Variants in FAM114A1 observed in about 807,000 individuals in gnomAD.
FAM114A1 encodes protein NOXP20.
A neutral mutation model predicts 64.3 loss-of-function variants in FAM114A1; 62 were observed. That is an observed-to-expected ratio of 0.96 (90% CI 0.79 to 1.19). The LOEUF is 1.19. Among genes scored for constraint, FAM114A1 ranks in the 50% most tolerant of loss-of-function variants. The pLI, the probability that FAM114A1 is intolerant of heterozygous loss-of-function variation, is 0.00. For synonymous variants in FAM114A1, 254 were observed against 251.1 expected (o/e 1.01, Z -0.11); for missense variants, 645 against 676.3 (o/e 0.95, Z 0.51).
chr4:38,931,015 T>G (rs564534006), intron 10 of FAM114A1, among the ~76,000 whole-genome samples: 2 of 152,294 alleles, frequency 1.3e-5, no homozygotes, highest in East Asian at 3.9e-4. Context: ...CATGAAGAGC[T>G]TCCTGAAATA....
chr4:38,922,663 C>CCA (rs1719713835), intron 8 of FAM114A1, 107 bp from the exon 9 acceptor site: 1 of 1,421,856 alleles, frequency 7.0e-7, no homozygotes, highest in Non-Finnish European at 9.4e-7. Flanking sequence ...GCGATACCTC[C>CCA]CACACCATGA....
rs1328135023 is a variant in FAM114A1, at chr4:38,929,799, C to T, written c.1161+466C>T. 2.6e-5 allele frequency among the ~76,000 whole-genome samples: 4 copies of T among 151,910 alleles called. No homozygotes were observed. In the East Asian group the frequency reaches 5.8e-4, roughly 22 times the overall value. Reference sequence around the variant, plus strand: ...CTCAAATTTTAAAAAAAGGAAAAAACGAAAAGATTTGAGGAGGCAACATAA... The same window carrying T: ...CTCAAATTTTAAAAAAAGGAAAAAATGAAAAGATTTGAGGAGGCAACATAA... On this transcript the variant is annotated intron_variant, in intron 10 of 14. Transcript: ENST00000358869.
At chr4:38,872,288 A>C (rs1014396268) in intron 2 of FAM114A1, among the ~76,000 whole-genome samples, 6 of 152,340 alleles carry the variant, frequency 3.9e-5, no homozygotes, top group Middle Eastern at 3.4e-3. Flanking sequence ...AAAACTAAGT[A>C]ACATGCACGT....
At chr4:38,880,522 C>T (rs558560455) in intron 3 of FAM114A1, among the ~76,000 whole-genome samples, 1 of 152,206 alleles carries the variant, frequency 6.6e-6, no homozygotes, top group South Asian at 2.1e-4. Flanking sequence ...AAAAGTGGGA[C>T]ATTAATAAGC....
At chr4:38,929,086 G>C in intron 9 of FAM114A1, 156 bp from the exon 10 acceptor site, 1 of 625,082 alleles carries the variant, frequency 1.6e-6, no homozygotes, top group African/African-American at 1.8e-5. Context: ...CCATGCTCAC[G>C]AATGGAAGAC....
At chr4:38,921,101 C>T (rs931669775) in intron 8 of FAM114A1, among the ~76,000 whole-genome samples, 1 of 152,194 alleles carries the variant, frequency 6.6e-6, no homozygotes, top group Non-Finnish European at 1.5e-5. Context: ...AGGACTACGG[C>T]TCCACCGCTG....
At position 38,908,579 on chromosome 4, in the gene FAM114A1, A is replaced by T. The variant is rs746358823; in HGVS notation, c.658-13A>T. On this transcript the variant is annotated splice_polypyrimidine_tract_variant and intron_variant, in intron 6 of 14. Coordinates refer to ENST00000358869, the MANE Select transcript of FAM114A1 (RefSeq NM_138389.4). The stretch of plus-strand genomic sequence containing the variant: ...CCTAAACATCTAATCTCATGCAGTT[A>T]TCTCATCTGCAGGGTAAAAGTGTCT... The T allele has an allele frequency of 1.9e-6, 3 of 1,594,884 alleles. No homozygotes were observed. Among genetic ancestry groups the T allele is most frequent in the Non-Finnish European group, 1.7e-6 (2 of 1,165,004 alleles).
intron 14 of FAM114A1, among the ~76,000 whole-genome samples, chr4:38,941,757 G>A (rs1204904125): frequency 6.6e-6 from 1 of 152,198 alleles, no homozygotes; most frequent in Non-Finnish European, 1.5e-5. Flanking sequence ...CCAGCTGAAG[G>A]CACAAGGTGT....
At chr4:38,935,843 T>C in intron 13 of FAM114A1, 53 bp downstream of exon 13, 1 of 1,293,804 alleles carries the variant, frequency 7.7e-7, no homozygotes, top group South Asian at 1.2e-5. Context: ...AGTATGTCTG[T>C]GAGGAAATGT....
At chr4:38,943,345 A>T in intron 14 of FAM114A1, 111 bp from the exon 15 acceptor site, 2 of 792,412 alleles carry the variant, frequency 2.5e-6, no homozygotes, top group South Asian at 3.2e-5. Flanking sequence ...CAAGATAAAT[A>T]TAATCCAATA....
chr4:38,904,484 G>A (rs1717801675), intron 4 of FAM114A1, among the ~76,000 whole-genome samples: 1 of 152,222 alleles, frequency 6.6e-6, no homozygotes, highest in Non-Finnish European at 1.5e-5. Flanking sequence ...CCTGGCTCAG[G>A]GAACAAGGGT....
intron 2 of FAM114A1, among the ~76,000 whole-genome samples, chr4:38,877,789 A>AC (rs1322692011): frequency 6.6e-5 from 10 of 151,948 alleles, no homozygotes; most frequent in African/African-American, 2.4e-4. Context: ...ACATGGAAAA[A>AC]CCCCGTTTCT....
intron 8 of FAM114A1, among the ~76,000 whole-genome samples, chr4:38,922,427 T>TG (rs1719690014): frequency 6.6e-6 from 1 of 152,234 alleles, no homozygotes; most frequent in South Asian, 2.1e-4. Context: ...GACATTTGAC[T>TG]GCAGGGTTGA....
At chr4:38,874,836 G>T (rs1714454377) in intron 2 of FAM114A1, among the ~76,000 whole-genome samples, 1 of 152,124 alleles carries the variant, frequency 6.6e-6, no homozygotes, top group Non-Finnish European at 1.5e-5. Flanking sequence ...AGTCCATCTT[G>T]AGTTTATTTT....
intron 12 of FAM114A1, among the ~76,000 whole-genome samples, chr4:38,934,811 T>A (rs1239400884): frequency 1.3e-5 from 2 of 152,212 alleles, no homozygotes; most frequent in African/African-American, 2.4e-5. Context: ...TTCTACAGGA[T>A]CTTTATTTTG....
chr4:38,895,823 A>G (rs890355636), intron 4 of FAM114A1, among the ~76,000 whole-genome samples: 2 of 152,252 alleles, frequency 1.3e-5, no homozygotes, highest in South Asian at 2.1e-4. Context: ...ACTGTAGGCA[A>G]TTGTAACACA....
chr4:38,937,737 T>A (rs1721227901), intron 13 of FAM114A1, among the ~76,000 whole-genome samples: 1 of 152,084 alleles, frequency 6.6e-6, no homozygotes, highest in South Asian at 2.1e-4. Flanking sequence ...TCAGGCACAC[T>A]CTTTTTTTAT....
At chr4:38,892,926 C>A (rs952912610) in intron 4 of FAM114A1, among the ~76,000 whole-genome samples, 7 of 152,246 alleles carry the variant, frequency 4.6e-5, no homozygotes, top group African/African-American at 1.7e-4. Context: ...CTAATTCCAT[C>A]TCTGTCAAAT....
rs1718905141 is a variant in FAM114A1, at chr4:38,915,014, T to C, written c.886T>C (p.Tyr296His). The C allele has an allele frequency of 6.2e-7, 1 of 1,614,184 alleles. No individual in the cohort carries two copies. The highest frequency in any genetic ancestry group is 8.5e-7 in the Non-Finnish European group (1 of 1,180,038). ...TAHYGMLFDEYQGLSHLEALE... is the reference protein window; with the variant it reads ...TAHYGMLFDEHQGLSHLEALE... The stretch of plus-strand genomic sequence containing the variant: ...GCACTACGGGATGCTGTTTGATGAA[T>C]ATCAAGGCTTGTCACACCTGGAAGC... Residue 296 changes from tyrosine (Y) to histidine (H), a missense_variant, in exon 8 of 15, where the codon TAT (tyrosine) becomes CAT (histidine). Tyr to His is a moderately conservative substitution (Grantham distance 83, BLOSUM62 2). Transcript: ENST00000358869.
Sources: gnomAD v4.1 joint callset for allele counts (sites outside exome capture counted in the v4.1 genomes callset) on GRCh38, gnomAD v4.1.1 for gene constraint, MANE v1.5 for transcripts, NCBI Gene and HGNC (gene_info 2026-07-23, HGNC 2026-07-21) for gene names.